RGS8: variants seen among roughly 807,000 people sequenced by gnomAD.
The protein encoded by RGS8 is regulator of G protein signaling 8.
In RGS8, 8 loss-of-function variants were observed where a neutral mutation model predicts 21.7. The observed-to-expected ratio is 0.37, with a 90% CI of 0.22 to 0.66. The LOEUF (loss-of-function observed/expected upper bound fraction) is 0.66. RGS8 is among the 30% of genes least tolerant of loss of function. The probability of loss-of-function intolerance (pLI) is 0.59; values close to 1 mark genes in which losing one functional copy is unlikely to be tolerated. For missense variants in RGS8, 157 were observed against 217.9 expected, an observed-to-expected ratio of 0.72 and a Z score of 1.76; for synonymous variants, 80 against 83.6, an observed-to-expected ratio of 0.96 and a Z score of 0.24.
At chr1:182,700,046 G>A in the RGS8 span, among the ~76,000 whole-genome samples, 1 of 152,232 alleles carries the variant, frequency 6.6e-6, no homozygotes, top group South Asian at 2.1e-4. Flanking sequence ...GGCGAAGCCT[G>A]TGAAGAGCCC....
intron 5 of RGS8, among the ~76,000 whole-genome samples, chr1:182,663,565 G>A (rs541624894): frequency 2.6e-5 from 4 of 152,248 alleles, no homozygotes; most frequent in South Asian, 2.1e-4. Flanking sequence ...GTCTCACTCC[G>A]TCACCCAGGC....
At chr1:182,742,484 C>T in the RGS8 span, among the ~76,000 whole-genome samples, 1 of 152,226 alleles carries the variant, frequency 6.6e-6, no homozygotes, top group Non-Finnish European at 1.5e-5. Context: ...CGTCTGCAAT[C>T]TCGGCACCTC....
chr1:182,648,798 C>T (rs746012461), intron 5 of RGS8, among the ~76,000 whole-genome samples: 1 of 151,970 alleles, frequency 6.6e-6, no homozygotes, highest in East Asian at 1.9e-4. Flanking sequence ...GCAAGCCATG[C>T]TTCATATTCA....
At chr1:182,708,553 ACGT>A in the RGS8 span, among the ~76,000 whole-genome samples, 2 of 152,366 alleles carry the variant, frequency 1.3e-5, no homozygotes, top group Admixed American at 1.3e-4. Context: ...CTTCCACAGA[ACGT>A]GTCTTTAAGC....
chr1:182,735,151 C>G, the RGS8 span, among the ~76,000 whole-genome samples: 3 of 152,182 alleles, frequency 2.0e-5, no homozygotes, highest in Admixed American at 6.5e-5. Flanking sequence ...GGCTACTATA[C>G]TGGGCAGTGC....
chr1:182,721,018 CATATATATGTGTGT>C, the RGS8 span, among the ~76,000 whole-genome samples: 1 of 79,850 alleles, frequency 1.3e-5, no homozygotes, highest in Non-Finnish European at 2.6e-5. Context: ...CATATATACA[CATATATATGTGTGT>C]ATATATACAT....
At chr1:182,716,462 C>T in the RGS8 span, among the ~76,000 whole-genome samples, 11 of 150,012 alleles carry the variant, frequency 7.3e-5, no homozygotes, top group Non-Finnish European at 6.0e-5. Context: ...TATTGTATTG[C>T]TATTTTTTAT....
chr1:182,728,678 A>G, the RGS8 span, among the ~76,000 whole-genome samples: 1 of 152,240 alleles, frequency 6.6e-6, no homozygotes. Context: ...AATCAACAGA[A>G]GAACTAACAA....
At chr1:182,718,290 C>T in the RGS8 span, among the ~76,000 whole-genome samples, 1 of 152,154 alleles carries the variant, frequency 6.6e-6, no homozygotes, top group Admixed American at 6.5e-5. Context: ...CCTAGAGAGA[C>T]AGAACTAAAG....
intron 5 of RGS8, among the ~76,000 whole-genome samples, chr1:182,661,047 T>C (rs1663559875): frequency 6.6e-6 from 1 of 151,814 alleles, no homozygotes; most frequent in African/African-American, 2.4e-5. Context: ...ATGAATAGTT[T>C]AAGAAATTTC....
chr1:182,731,808 A>G, the RGS8 span, among the ~76,000 whole-genome samples: 5 of 152,274 alleles, frequency 3.3e-5, no homozygotes, highest in Non-Finnish European at 1.5e-5. Flanking sequence ...AAACAGCAGT[A>G]TAATAGATTT....
At chr1:182,690,028 AGAGAGGTACTC>A in the RGS8 span, among the ~76,000 whole-genome samples, 3 of 152,226 alleles carry the variant, frequency 2.0e-5, no homozygotes, top group Admixed American at 2.0e-4. Context: ...CTCTAGGGTC[AGAGAGGTACTC>A]TGAGGACAAA....
At chr1:182,667,021 A>G (rs1557894791) in intron 3 of RGS8, 48 bp from the exon 5 acceptor site, 3 of 1,472,360 alleles carry the variant, frequency 2.0e-6, no homozygotes, top group East Asian at 2.3e-5. Flanking sequence ...TCATGATCAC[A>G]GCTGTCAGCT....
At chr1:182,646,960 C>T (rs1662732335) in intron 6 of RGS8, 43 bp from the exon 8 acceptor site, 2 of 1,549,352 alleles carry the variant, frequency 1.3e-6, no homozygotes, top group Non-Finnish European at 1.7e-6. Context: ...CCCTCAAGGG[C>T]CAAGGTTTCT....
chr1:182,732,301 A>ACACC, the RGS8 span, among the ~76,000 whole-genome samples: 17 of 150,654 alleles, frequency 1.1e-4, no homozygotes, highest in East Asian at 2.0e-4. Context: ...ACACACACAC[A>ACACC]CCCACTGTAG....
chr1:182,700,265 G>A, the RGS8 span, among the ~76,000 whole-genome samples: 1 of 152,272 alleles, frequency 6.6e-6, no homozygotes, highest in South Asian at 2.1e-4. Flanking sequence ...TGCTGTTGCC[G>A]GGCAGCAGCT....
At chr1:182,648,081 G>C (rs1557881217) in intron 6 of RGS8, 56 bp downstream of exon 7, 10 of 1,502,672 alleles carry the variant, frequency 6.7e-6, no homozygotes, top group Admixed American at 5.9e-5. Flanking sequence ...TCTCTGAGGA[G>C]AGAAATGCAA....
At chr1:182,675,878 C>T (rs568007240), upstream of RGS8, among the ~76,000 whole-genome samples, 1 of 152,122 alleles carries the variant, frequency 6.6e-6, no homozygotes, top group African/African-American at 2.4e-5. Context: ...AAAAGACAGA[C>T]TCTTTTACTT....
the RGS8 span, among the ~76,000 whole-genome samples, chr1:182,749,510 T>G: frequency 6.6e-6 from 1 of 152,232 alleles, no homozygotes; most frequent in Non-Finnish European, 1.5e-5. Flanking sequence ...TAGTATACTT[T>G]GAAATCAGGT....
Sources: allele counts gnomAD v4.1 joint callset (sites outside exome capture counted in the v4.1 genomes callset), GRCh38; gene constraint gnomAD v4.1.1; transcripts MANE v1.5; gene names NCBI Gene and HGNC (gene_info 2026-07-23, HGNC 2026-07-21).